The following PODXL2 variants were observed in gnomAD, a reference collection of about 807,000 sequenced individuals.
PODXL2 encodes podocalyxin-like protein 2.
Under a neutral mutation model 53.4 loss-of-function variants are expected in PODXL2, and 17 were observed. That is an observed-to-expected ratio of 0.32 (90% CI 0.22 to 0.48). PODXL2 has a LOEUF of 0.48. PODXL2 is among the 20% of genes least tolerant of loss of function. PODXL2 has a pLI of 0.99. For synonymous variants in PODXL2, 311 were observed against 306.7 expected, an observed-to-expected ratio of 1.01 and a Z score of -0.15; for missense variants, 673 against 760.0, an observed-to-expected ratio of 0.89 and a Z score of 1.35.
intron 3 of PODXL2, 126 bp from the exon 4 acceptor site, chr3:127,662,111 C>T (rs1005008584): frequency 2.2e-5 from 16 of 713,366 alleles, no homozygotes; most frequent in Admixed American, 8.7e-5. Flanking sequence ...GCAGCCCCCT[C>T]GCTGTAATAC....
chr3:127,644,975 A>G (rs2074644003), intron 2 of PODXL2, among the ~76,000 whole-genome samples: 1 of 152,200 alleles, frequency 6.6e-6, no homozygotes, highest in African/African-American at 2.4e-5. Flanking sequence ...TCTTCTCTGT[A>G]CTACCTGACC....
At chr3:127,663,305 C>G (rs2074778498) in intron 4 of PODXL2, among the ~76,000 whole-genome samples, 1 of 152,176 alleles carries the variant, frequency 6.6e-6, no homozygotes, top group African/African-American at 2.4e-5. Context: ...GATTGCTTCT[C>G]AGCTTTCCTC....
At chr3:127,668,078 G>C (rs983719854) in intron 4 of PODXL2, among the ~76,000 whole-genome samples, 1 of 151,610 alleles carries the variant, frequency 6.6e-6, no homozygotes, top group Admixed American at 6.6e-5. Context: ...CCCAGTTTCT[G>C]GGCTTGTCAC....
At chr3:127,650,115 G>GGT (rs1255075886) in intron 2 of PODXL2, among the ~76,000 whole-genome samples, 1 of 152,178 alleles carries the variant, frequency 6.6e-6, no homozygotes, top group African/African-American at 2.4e-5. Flanking sequence ...GACATTTAAA[G>GGT]TGATCTTTCA....
rs578157698 is a variant in PODXL2 at position 127,668,253 on chromosome 3, G to T, written c.1207-188G>T. Among the ~76,000 whole-genome samples the T allele has an allele frequency of 1.3e-5, 2 of 152,306 alleles. 1 individual carries two copies. The highest frequency in any genetic ancestry group is 4.8e-5 in the African/African-American group (2 of 41,570). On this transcript the variant is annotated intron_variant, in intron 4 of 7. Transcript: ENST00000342480. Reference sequence around the variant, plus strand: ...AGCACCTGGTGTAAGTGAACAAATGGGTGTACATCTTGGGGTTCCCACATT... The same window carrying T: ...AGCACCTGGTGTAAGTGAACAAATGTGTGTACATCTTGGGGTTCCCACATT...
intron 2 of PODXL2, 40 bp downstream of exon 2, chr3:127,639,563 C>G (rs1355024412): frequency 1.3e-6 from 2 of 1,556,430 alleles, no homozygotes; most frequent in Non-Finnish European, 8.7e-7. Flanking sequence ...TGAGTGCCAG[C>G]CAAGTGTCTA....
At chr3:127,654,422 C>A (rs1358557117) in intron 2 of PODXL2, among the ~76,000 whole-genome samples, 1 of 152,140 alleles carries the variant, frequency 6.6e-6, no homozygotes, top group Non-Finnish European at 1.5e-5. Context: ...TCTCACGGGC[C>A]CTCTCCTGGG....
intron 2 of PODXL2, among the ~76,000 whole-genome samples, chr3:127,653,282 C>T (rs1231425995): frequency 5.9e-5 from 9 of 152,208 alleles, no homozygotes; most frequent in Non-Finnish European, 1.3e-4. Flanking sequence ...CCAGGATAGC[C>T]TGCCCTGTCC....
chr3:127,634,556 CT>C (rs1199664357), intron 1 of PODXL2, among the ~76,000 whole-genome samples: 1 of 150,324 alleles, frequency 6.7e-6, no homozygotes, highest in African/African-American at 2.5e-5. Flanking sequence ...AACTCTATCT[CT>C]ACTAAAAATA....
intron 3 of PODXL2, 55 bp from the exon 4 acceptor site, chr3:127,662,181 CT>C: frequency 6.7e-7 from 1 of 1,494,652 alleles, no homozygotes; most frequent in Non-Finnish European, 9.3e-7. Context: ...GCTCTCTCCC[CT>C]GTCCCTTTCC....
In PODXL2 at chr3:127,639,519, T is replaced by C. The variant is rs1246318678; in HGVS notation, c.345T>C (p.Thr115=). ...LNDSSLDLGP[T]ADYVFPDLTE... The stretch of plus-strand genomic sequence containing the variant: ...ACTCAAGTCTGGACCTGGGACCCAC[T>C]GCAGGTAGCTCTTCTTACCTACAGA... Residue 115 remains threonine, a synonymous_variant, in exon 2 of 8, where the codon ACT becomes ACC. Coordinates refer to ENST00000342480, the MANE Select transcript of PODXL2 (RefSeq NM_015720.4). 1 of 1,610,708 alleles carries C rather than the reference T, an allele frequency of 6.2e-7. No homozygotes were observed. The highest frequency in any genetic ancestry group is 8.5e-7 in the Non-Finnish European group (1 of 1,178,028).
At chr3:127,671,048 G>A (rs1348385363) in intron 6 of PODXL2, among the ~76,000 whole-genome samples, 1 of 152,154 alleles carries the variant, frequency 6.6e-6, no homozygotes, top group East Asian at 1.9e-4. Context: ...ATGTGTGGGG[G>A]GCTCACATCT....
chr3:127,646,576 C>T (rs2074658746), intron 2 of PODXL2, among the ~76,000 whole-genome samples: 1 of 151,998 alleles, frequency 6.6e-6, no homozygotes, highest in South Asian at 2.1e-4. Context: ...TTAGTGGAGA[C>T]GGGGTTTCCC....
At chr3:127,665,533 G>A (rs2074791254) in intron 4 of PODXL2, among the ~76,000 whole-genome samples, 1 of 152,150 alleles carries the variant, frequency 6.6e-6, no homozygotes, top group Non-Finnish European at 1.5e-5. Context: ...GAGGAAGAAA[G>A]ATAAAACAGG....
intron 2 of PODXL2, among the ~76,000 whole-genome samples, chr3:127,653,800 G>A (rs191240747): frequency 1.1e-4 from 17 of 152,300 alleles, no homozygotes; most frequent in African/African-American, 1.9e-4. Flanking sequence ...ACACTTTGCC[G>A]CAGTTGCTGT....
rs201417926 is a variant in PODXL2 at position 127,642,291 on chromosome 3, G to GAAAAAAAAAAAA, written c.349+2774_349+2785dup. Among the ~76,000 whole-genome samples the GAAAAAAAAAAAA allele has an allele frequency of 4.4e-3, 337 of 77,154 alleles. 2 individuals carry two copies. The highest frequency in any genetic ancestry group is 0.013 in the African/African-American group (301 of 22,572). 50.6% of individuals were successfully genotyped at this position (77,154 alleles called of 152,430 possible). On this transcript the variant is annotated intron_variant, in intron 2 of 7. Coordinates refer to ENST00000342480, the MANE Select transcript of PODXL2 (RefSeq NM_015720.4). The stretch of plus-strand genomic sequence containing the variant: ...GGGGACAGAGCGAGACTCCATCTCA[G>GAAAAAAAAAAAA]AAAAAAAAAAAAAAAAAGATGTATC...
At chr3:127,648,787 C>CTTTTTTTT (rs988325770) in intron 2 of PODXL2, among the ~76,000 whole-genome samples, 5 of 97,854 alleles carry the variant, frequency 5.1e-5, no homozygotes, top group Non-Finnish European at 1.0e-4. Flanking sequence ...TTTTGTATTT[C>CTTTTTTTT]TTTTTTTTTT....
At position 127,668,332 on chromosome 3, in the gene PODXL2, T is replaced by G. The variant is rs57613453; in HGVS notation, c.1207-109T>G. ...CAGAGTTGACCAGAGCTGCCTCTCTTGGAACAGCCAGAGGGTTGAGGGTGA... is the reference window on the plus strand; with the variant it reads ...CAGAGTTGACCAGAGCTGCCTCTCTGGGAACAGCCAGAGGGTTGAGGGTGA... On this transcript the variant is annotated intron_variant, in intron 4 of 7. Transcript: ENST00000342480. 0.019 allele frequency: 19,798 copies of G among 1,039,140 alleles called. 2,177 individuals carry two copies. The African/African-American group carries it at 0.26, about 14-fold the overall frequency. 64.4% of individuals were successfully genotyped at this position (1,039,140 alleles called of 1,614,324 possible). A position where few individuals can be genotyped will look rare whatever the true frequency, so the allele number is the denominator to read the frequency against.
intron 1 of PODXL2, among the ~76,000 whole-genome samples, chr3:127,637,070 G>A (rs1001288035): frequency 6.6e-6 from 1 of 152,128 alleles, no homozygotes; most frequent in Non-Finnish European, 1.5e-5. Context: ...TGATCCGCCC[G>A]CCTCGGCCTC....
Sources: gnomAD v4.1 joint callset for allele counts (sites outside exome capture counted in the v4.1 genomes callset) on GRCh38, gnomAD v4.1.1 for gene constraint, MANE v1.5 for transcripts, NCBI Gene and HGNC (gene_info 2026-07-23, HGNC 2026-07-21) for gene names.